The following DOCK3 variants were observed in gnomAD, a reference collection of about 807,000 sequenced individuals.
DOCK3 encodes the protein dedicator of cytokinesis 3.
In DOCK3, 60 loss-of-function variants were observed where a neutral mutation model predicts 265.6. The ratio of observed to expected loss-of-function variants is 0.23; its 90% confidence interval spans 0.18 to 0.28. DOCK3 has a LOEUF of 0.28. Among genes scored for constraint, DOCK3 ranks in the 10% least tolerant of loss-of-function variants. The pLI is 1.00. For synonymous variants in DOCK3, 881 were observed against 938.0 expected (o/e 0.94, Z 1.11); for missense variants, 1,981 against 2,594.3 (o/e 0.76, Z 5.14).
intron 12 of DOCK3, among the ~76,000 whole-genome samples, chr3:51,185,704 TG>T (rs1241241098): frequency 6.6e-6 from 1 of 152,126 alleles, no homozygotes; most frequent in Non-Finnish European, 1.5e-5. Context: ...AATTGAATCA[TG>T]GGGGCGGGTC....
intron 41 of DOCK3, among the ~76,000 whole-genome samples, 192 bp downstream of exon 41, chr3:51,355,215 C>T (rs112321764): frequency 0.017 from 2,602 of 152,328 alleles, 41 homozygotes; most frequent in Middle Eastern, 0.062. Context: ...AGCAGTGGCA[C>T]GCCCTTAGCA....
At chr3:50,800,739 T>G (rs1374003824) in intron 2 of DOCK3, among the ~76,000 whole-genome samples, 1 of 152,156 alleles carries the variant, frequency 6.6e-6, no homozygotes, top group Non-Finnish European at 1.5e-5. Context: ...CTTTTCTAGT[T>G]CCTTGAGGTG....
intron 3 of DOCK3, among the ~76,000 whole-genome samples, chr3:50,866,025 G>GT (rs141069130): frequency 0.025 from 3,788 of 152,120 alleles, 179 homozygotes; most frequent in African/African-American, 0.087. Context: ...CTATAGAGTT[G>GT]TTTGAGTTCC....
At chr3:51,117,166 G>C (rs983763600) in intron 9 of DOCK3, among the ~76,000 whole-genome samples, 6 of 152,126 alleles carry the variant, frequency 3.9e-5, no homozygotes, top group Non-Finnish European at 8.8e-5. Flanking sequence ...AGTGCTTTTA[G>C]TATGCAGGGC....
intron 5 of DOCK3, among the ~76,000 whole-genome samples, chr3:51,006,834 T>G (rs2078697131): frequency 6.6e-6 from 1 of 152,204 alleles, no homozygotes. Context: ...CCAGGCGTGC[T>G]CATTGTTCAA....
intron 2 of DOCK3, among the ~76,000 whole-genome samples, chr3:50,796,730 T>A (rs3101107): frequency 6.6e-6 from 1 of 152,302 alleles, no homozygotes; most frequent in East Asian, 1.9e-4. Flanking sequence ...GCTGATGTTT[T>A]TTCAGTCTTT....
At chr3:51,096,307 A>G (rs532279325) in intron 9 of DOCK3, among the ~76,000 whole-genome samples, 31 of 151,230 alleles carry the variant, frequency 2.0e-4, no homozygotes, top group Admixed American at 1.8e-3. Context: ...ACATAGTCCC[A>G]TATTTCTTGG....
intron 35 of DOCK3, among the ~76,000 whole-genome samples, chr3:51,335,298 C>A (rs1057122291): frequency 6.6e-6 from 1 of 151,958 alleles, no homozygotes; most frequent in Non-Finnish European, 1.5e-5. Flanking sequence ...AGGATTTGAA[C>A]CCAGATCTAG....
At chr3:51,353,612 C>CA (rs1286140592) in intron 40 of DOCK3, among the ~76,000 whole-genome samples, 3 of 151,636 alleles carry the variant, frequency 2.0e-5, no homozygotes, top group East Asian at 1.9e-4. Flanking sequence ...ACTCTTATCT[C>CA]AAAAAAACAA....
At position 51,302,410 on chromosome 3, in the gene DOCK3, G is replaced by T. The variant is rs1266399943; in HGVS notation, c.2923-7822G>T. On this transcript the variant is annotated intron_variant, in intron 27 of 52. Transcript: ENST00000266037. ...TGCCATTCTGTGTCTTTTAATTAGG[G>T]CATTTAGCCTATTTACATTTATGGT... is the stretch of plus-strand genomic sequence containing the variant. Among the ~76,000 whole-genome samples the T allele has an allele frequency of 3.9e-5, 6 of 152,064 alleles. No individual in the cohort carries two copies. The South Asian group carries it at 1.2e-3, about 32-fold the overall frequency.
At chr3:51,010,802 T>C (rs970982881) in intron 5 of DOCK3, among the ~76,000 whole-genome samples, 1 of 152,248 alleles carries the variant, frequency 6.6e-6, no homozygotes, top group Non-Finnish European at 1.5e-5. Flanking sequence ...GGAGCTCTTG[T>C]AGGGCAGGCT....
intron 1 of DOCK3, among the ~76,000 whole-genome samples, chr3:50,734,229 C>T (rs1301814836): frequency 6.6e-6 from 1 of 152,124 alleles, no homozygotes; most frequent in Non-Finnish European, 1.5e-5. Context: ...TGAATTTAGG[C>T]CAGGCATAGT....
intron 33 of DOCK3, 151 bp from the exon 34 acceptor site, chr3:51,332,850 T>C (rs930660322): frequency 1.1e-5 from 10 of 871,214 alleles, no homozygotes; most frequent in African/African-American, 3.3e-5. Flanking sequence ...TGAGTTACAG[T>C]GTATGCCTAA....
chr3:51,259,257 A>G (rs2079721830), intron 22 of DOCK3, among the ~76,000 whole-genome samples: 1 of 152,184 alleles, frequency 6.6e-6, no homozygotes, highest in Non-Finnish European at 1.5e-5. Flanking sequence ...ACCATCTAAC[A>G]GCTGGATAGA....
intron 1 of DOCK3, among the ~76,000 whole-genome samples, chr3:50,710,393 G>T (rs534273463): frequency 3.3e-4 from 50 of 152,174 alleles, no homozygotes; most frequent in Admixed American, 1.4e-3. Context: ...TATACAAATG[G>T]CCAACAAACA....
At position 50,754,031 on chromosome 3, in the gene DOCK3, C is replaced by T. The variant is rs780128831; in HGVS notation, c.38-24644C>T. On this transcript the variant is annotated intron_variant, in intron 1 of 52. Transcript: ENST00000266037. ...ATTAGCTGGGCGTGGTGTCACGCGC[C>T]TGTAGTCCCAGCTACTTGGGAGGCT... is the stretch of plus-strand genomic sequence containing the variant. 1.6e-4 allele frequency among the ~76,000 whole-genome samples: 24 copies of T among 152,004 alleles called. 1 individual carries two copies. Among genetic ancestry groups the T allele is most frequent in the Admixed American group, 7.9e-4 (12 of 15,258 alleles).
rs140943710 is a variant in DOCK3 at position 51,161,986 on chromosome 3, A to G, written c.1037+1284A>G. Among the ~76,000 whole-genome samples the G allele has an allele frequency of 4.7e-4, 71 of 152,342 alleles. 1 individual carries two copies. In the South Asian group the frequency reaches 6.8e-3, roughly 15 times the overall value. ...AGGAAAAACACAATAATGAAAATAA[A>G]TGCAGAATTCAGTCATATACTCTAT... On this transcript the variant is annotated intron_variant, in intron 12 of 52. Transcript: ENST00000266037.
chr3:50,700,723 A>G (rs1434583049), intron 1 of DOCK3, among the ~76,000 whole-genome samples: 4 of 152,178 alleles, frequency 2.6e-5, no homozygotes. Flanking sequence ...GCTATTGTGA[A>G]TAGTGCTGTG....
chr3:51,301,504 G>T (rs750541515), intron 27 of DOCK3, among the ~76,000 whole-genome samples: 3 of 151,974 alleles, frequency 2.0e-5, no homozygotes, highest in Admixed American at 6.6e-5. Flanking sequence ...ATATTAGAAA[G>T]ATTTATTTGA....
Sources: allele counts gnomAD v4.1 joint callset (sites outside exome capture counted in the v4.1 genomes callset), GRCh38; gene constraint gnomAD v4.1.1; transcripts MANE v1.5; gene names NCBI Gene and HGNC (gene_info 2026-07-23, HGNC 2026-07-21).